The following TLK2 variants were observed in gnomAD, a reference collection of about 807,000 sequenced individuals.
TLK2 encodes tousled like kinase 2, also known as serine/threonine-protein kinase tousled-like 2.
A neutral mutation model predicts 117.3 loss-of-function variants in TLK2; 6 were observed. The ratio of observed to expected loss-of-function variants is 0.05; its 90% confidence interval spans 0.03 to 0.10. The LOEUF is 0.10. TLK2 is among the 10% of genes least tolerant of loss of function. TLK2 has a pLI of 1.00. For synonymous variants in TLK2, 257 were observed against 316.7 expected (o/e 0.81, Z 2.00); for missense variants, 299 against 901.2 (o/e 0.33, Z 8.56).
At chr17:62,484,987 C>T (rs1361233923) in intron 2 of TLK2, among the ~76,000 whole-genome samples, 5 of 152,072 alleles carry the variant, frequency 3.3e-5, no homozygotes, top group African/African-American at 1.2e-4. Flanking sequence ...GCCCGGGAGG[C>T]GGGGCTTGCA....
At chr17:62,472,138 C>T (rs1209998346) in intron 1 of TLK2, among the ~76,000 whole-genome samples, 2 of 151,126 alleles carry the variant, frequency 1.3e-5, no homozygotes, top group African/African-American at 2.4e-5. Flanking sequence ...GATCTCCTGA[C>T]CTCGTGATCC....
At position 62,520,870 on chromosome 17, in the gene TLK2, C is replaced by CTT. The variant is rs749116216; in HGVS notation, c.153+29_153+30dup. 26 of 1,608,770 alleles carry CTT rather than the reference C, an allele frequency of 1.6e-5. No individual in the cohort carries two copies. In the African/African-American group the frequency reaches 3.2e-4, roughly 20 times the overall value. The stretch of plus-strand genomic sequence containing the variant: ...GTAAGAAGCTATGTTCATGGCAGGA[C>CTT]TTTTCATACTTGTACGTTTGGGCCA... On this transcript the variant is annotated intron_variant, in intron 3 of 21. Transcript: ENST00000346027.
At chr17:62,481,089 T>C (rs780467453) in intron 1 of TLK2, 32 bp from the exon 2 acceptor site, 2 of 1,609,726 alleles carry the variant, frequency 1.2e-6, no homozygotes, top group South Asian at 2.2e-5. Context: ...TTTTAGTGTT[T>C]ATGGTTTCAC....
intron 6 of TLK2, among the ~76,000 whole-genome samples, chr17:62,531,030 A>C (rs1408572687): frequency 6.6e-6 from 1 of 152,120 alleles, no homozygotes; most frequent in Non-Finnish European, 1.5e-5. Context: ...CTGCTTTAAA[A>C]GTCTTTAGCT....
At chr17:62,495,637 T>A (rs1212154140) in intron 2 of TLK2, among the ~76,000 whole-genome samples, 1 of 110,872 alleles carries the variant, frequency 9.0e-6, no homozygotes, top group Non-Finnish European at 1.8e-5. Context: ...AGGTATGTGG[T>A]AAAAAATTTT....
chr17:62,533,578 G>T (rs1483879080), intron 6 of TLK2, among the ~76,000 whole-genome samples: 1 of 151,736 alleles, frequency 6.6e-6, no homozygotes, highest in East Asian at 1.9e-4. Context: ...CCGCGTTCAA[G>T]TGATTCTCAT....
At chr17:62,565,379 G>A (rs1402394551) in intron 11 of TLK2, among the ~76,000 whole-genome samples, 1 of 152,150 alleles carries the variant, frequency 6.6e-6, no homozygotes, top group Non-Finnish European at 1.5e-5. Context: ...TTCAGGCCAG[G>A]CGCGGTGGCT....
intron 11 of TLK2, among the ~76,000 whole-genome samples, chr17:62,566,879 T>G (rs1293766894): frequency 2.6e-5 from 4 of 152,206 alleles, no homozygotes; most frequent in Admixed American, 2.0e-4. Context: ...AGCAGTCTTT[T>G]TAGACTTTGA....
chr17:62,548,240 ATGTGTGTGTGTGTG>A lies in TLK2; in HGVS notation c.532-4040_532-4027del, dbSNP rs59375141. Among the ~76,000 whole-genome samples the A allele has an allele frequency of 4.1e-5, 5 of 121,294 alleles. No homozygotes were observed. In the South Asian group the frequency reaches 1.2e-3, roughly 29 times the overall value. 79.6% of individuals were successfully genotyped at this position (121,294 alleles called of 152,430 possible). A position where few individuals can be genotyped will look rare whatever the true frequency, so the allele number is the denominator to read the frequency against. On this transcript the variant is annotated intron_variant, in intron 7 of 21. Coordinates refer to ENST00000346027, the MANE Select transcript of TLK2 (RefSeq NM_006852.6). ...TTATCATTGGGCCATATATATATATATGTGTGTGTGTGTGTGTGTGTGTGTGTGTGTGTGTCTTT... is the reference window on the plus strand; with the variant it reads ...TTATCATTGGGCCATATATATATATATGTGTGTGTGTGTGTGTGTGTCTTT...
chr17:62,553,830 G>A, intron 9 of TLK2, 75 bp downstream of exon 9: 1 of 945,964 alleles, frequency 1.1e-6, no homozygotes, highest in East Asian at 2.5e-5. Flanking sequence ...ACATATCATA[G>A]AAGTAATTAC....
At chr17:62,574,404 T>G in intron 12 of TLK2, 2 of 1,358,790 alleles carry the variant, frequency 1.5e-6, no homozygotes. Context: ...GCCCACAGTT[T>G]ACTTAGGTGA....
rs762611483 is a variant in TLK2, at chr17:62,578,470, G to A, written c.1189-7G>A. ...ATTTTGTGCTATTTCTTTCCTTTTC[G>A]CTTTAGGAGGAAGCAGAGATCCAGG... On this transcript the variant is annotated splice_region_variant and splice_polypyrimidine_tract_variant and intron_variant, in intron 13 of 21. Transcript: ENST00000346027. 1.8e-5 allele frequency: 29 copies of A among 1,612,588 alleles called. No individual in the cohort carries two copies. The highest frequency in any genetic ancestry group is 2.7e-5 in the African/African-American group (2 of 74,802).
chr17:62,551,591 G>C (rs1381323473), intron 7 of TLK2: 2 of 152,486 alleles, frequency 1.3e-5, no homozygotes, highest in African/African-American at 4.8e-5. Context: ...TGTAGTCCCA[G>C]CTACTCGGGA....
rs34268998 is a variant in TLK2 at position 62,508,168 on chromosome 17, G to GTTTT, written c.82-12589_82-12586dup. Among the ~76,000 whole-genome samples, 59 of 125,746 alleles carry GTTTT rather than the reference G, an allele frequency of 4.7e-4. 3 individuals are homozygous for GTTTT. Among genetic ancestry groups the GTTTT allele is most frequent in the African/African-American group, 9.0e-4 (30 of 33,418 alleles). 82.5% of individuals were successfully genotyped at this position (125,746 alleles called of 152,430 possible). A position where few individuals can be genotyped will look rare whatever the true frequency, so the allele number is the denominator to read the frequency against. ...ACCAGTAAATTAAAAAAATTTCCTA[G>GTTTT]TTTTTTTTTTTTTTTTTTTGAGTCT... On this transcript the variant is annotated intron_variant, in intron 2 of 21. Transcript: ENST00000346027.
intron 1 of TLK2, 68 bp from the exon 2 acceptor site, chr17:62,481,053 G>C: frequency 1.4e-6 from 2 of 1,449,560 alleles, no homozygotes; most frequent in South Asian, 1.2e-5. Context: ...TGTGAGTTTT[G>C]TTCTACAGAA....
intron 12 of TLK2, among the ~76,000 whole-genome samples, chr17:62,575,942 C>T (rs538138578): frequency 4.6e-5 from 7 of 152,138 alleles, no homozygotes; most frequent in African/African-American, 1.7e-4. Context: ...AAGTCCTTCC[C>T]GCTCAGCTTC....
At chr17:62,521,502 T>G (rs2076048411) in intron 3 of TLK2, among the ~76,000 whole-genome samples, 1 of 152,138 alleles carries the variant, frequency 6.6e-6, no homozygotes, top group African/African-American at 2.4e-5. Context: ...ACTCCTGAAC[T>G]CAAGCAGTCC....
chr17:62,484,832 A>G (rs945400557), intron 2 of TLK2, among the ~76,000 whole-genome samples: 2 of 151,996 alleles, frequency 1.3e-5, no homozygotes, highest in African/African-American at 4.8e-5. Context: ...TAAAGCAGGC[A>G]GATCACGAGG....
intron 16 of TLK2, among the ~76,000 whole-genome samples, chr17:62,587,329 A>G (rs2081698308): frequency 6.6e-6 from 1 of 152,224 alleles, no homozygotes; most frequent in Admixed American, 6.5e-5. Context: ...GAATCAGACA[A>G]GTCCTGCCCT....
Sources: allele counts gnomAD v4.1 joint callset (sites outside exome capture counted in the v4.1 genomes callset), GRCh38; gene constraint gnomAD v4.1.1; transcripts MANE v1.5; gene names NCBI Gene and HGNC (gene_info 2026-07-23, HGNC 2026-07-21).